Variants in EVA1C observed in about 807,000 individuals in gnomAD.
EVA1C encodes the protein protein eva-1 homolog C.
A neutral mutation model predicts 45.4 loss-of-function variants in EVA1C; 25 were observed. The ratio of observed to expected loss-of-function variants is 0.55; its 90% CI spans 0.40 to 0.77. The LOEUF is 0.77. Ranked by LOEUF, EVA1C falls within the 30% of genes least tolerant of loss-of-function variation. EVA1C has a pLI of 0.00. For missense variants in EVA1C, 479 were observed against 554.8 expected, an observed-to-expected ratio of 0.86 and a Z score of 1.37; for synonymous variants, 190 against 221.2, an observed-to-expected ratio of 0.86 and a Z score of 1.25.
At chr21:32,500,190 A>ATTTTTTT (rs538897939) in intron 5 of EVA1C, among the ~76,000 whole-genome samples, 22 of 91,096 alleles carry the variant, frequency 2.4e-4, no homozygotes, top group East Asian at 8.2e-4. Flanking sequence ...TAACCACCCT[A>ATTTTTTT]TTTTTTTTTT....
intron 7 of EVA1C, among the ~76,000 whole-genome samples, chr21:32,507,979 G>T (rs1407684310): frequency 6.6e-6 from 1 of 151,714 alleles, no homozygotes; most frequent in Non-Finnish European, 1.5e-5. Context: ...ATGTGTGCCT[G>T]CATGTGTGTG....
chr21:32,499,717 C>T (rs2037467968), intron 5 of EVA1C, among the ~76,000 whole-genome samples: 1 of 152,226 alleles, frequency 6.6e-6, no homozygotes, highest in Non-Finnish European at 1.5e-5. Context: ...TCTCTGAGAT[C>T]TCAGCTGGGC....
rs143129468 is a variant in EVA1C at position 32,478,608 on chromosome 21, C to T, written c.634+10760C>T. On this transcript the variant is annotated intron_variant, in intron 4 of 7. Coordinates refer to ENST00000300255, the MANE Select transcript of EVA1C (RefSeq NM_058187.5). ...GGTCCATCAGAATTTATGCCTCATC[C>T]GGCAGAAGAGAAACTGAAAGGAAGA... Among the ~76,000 whole-genome samples the T allele has an allele frequency of 6.0e-3, 909 of 152,286 alleles. 10 individuals are homozygous for T. The highest frequency in any genetic ancestry group is 0.021 in the African/African-American group (865 of 41,550).
chr21:32,496,703 T>G, intron 5 of EVA1C: 1 of 580,922 alleles, frequency 1.7e-6, no homozygotes, highest in Non-Finnish European at 3.1e-6. Flanking sequence ...TTCATCAGAG[T>G]GTTGAATAAG....
chr21:32,514,934 G>T lies in EVA1C; in HGVS notation c.1070G>T (p.Gly357Val). The T allele has an allele frequency of 6.2e-7, 1 of 1,614,162 alleles. No homozygotes were observed. Among genetic ancestry groups the T allele is most frequent in the Non-Finnish European group, 8.5e-7 (1 of 1,180,036 alleles). The change falls in exon 8 of 8, where the codon GGG becomes GTG. Residue 357 changes from glycine (G) to valine (V), a missense_variant. Gly to Val is a moderately radical substitution (Grantham distance 109). Transcript: ENST00000300255. ...AAGGACTTCCGCGACTTGCAGCTGG[G>T]GAGGGAGCAGCTGGTGCCAGGAAGT... is the stretch of plus-strand genomic sequence containing the variant. Reference protein sequence around the residue: ...CAKDFRDLQLGREQLVPGSDK... With the variant: ...CAKDFRDLQLVREQLVPGSDK...
chr21:32,480,677 T>C (rs960146326), intron 4 of EVA1C, among the ~76,000 whole-genome samples: 2 of 150,710 alleles, frequency 1.3e-5, no homozygotes, highest in Admixed American at 1.3e-4. Context: ...CAAAAAACTT[T>C]TTTTGCCGGA....
upstream of EVA1C, chr21:32,412,366 C>T (rs1475117041): frequency 6.6e-6 from 1 of 152,138 alleles, no homozygotes; most frequent in South Asian, 2.1e-4. Context: ...ACCGGCCGCG[C>T]TCCTTCTGCC....
chr21:32,495,314 GC>G, intron 5 of EVA1C, 144 bp downstream of exon 5: 1 of 723,490 alleles, frequency 1.4e-6, no homozygotes, highest in Non-Finnish European at 2.2e-6. Flanking sequence ...ATACCCGAGA[GC>G]CCTTTTTTTC....
intron 1 of EVA1C, among the ~76,000 whole-genome samples, chr21:32,430,238 GGAA>G (rs900036841): frequency 2.0e-4 from 30 of 152,262 alleles, no homozygotes; most frequent in African/African-American, 7.2e-4. Context: ...CTTACTGCCT[GGAA>G]GAAGACTGGT....
intron 1 of EVA1C, among the ~76,000 whole-genome samples, chr21:32,431,217 G>A (rs1372253362): frequency 6.6e-6 from 1 of 152,182 alleles, no homozygotes; most frequent in East Asian, 1.9e-4. Context: ...TTCCACAGCT[G>A]AGAAAACCCA....
chr21:32,498,895 C>T (rs910026236), intron 5 of EVA1C, among the ~76,000 whole-genome samples: 1 of 152,106 alleles, frequency 6.6e-6, no homozygotes, highest in Non-Finnish European at 1.5e-5. Flanking sequence ...CGACCTCATT[C>T]GGAACTAGTT....
At chr21:32,494,883 T>C (rs1276866337) in intron 4 of EVA1C, 144 bp from the exon 5 acceptor site, 6 of 873,410 alleles carry the variant, frequency 6.9e-6, no homozygotes, top group Non-Finnish European at 1.0e-5. Flanking sequence ...TCTTGGGTGC[T>C]TTAATGAGAC....
chr21:32,427,562 A>T (rs1023394251), intron 1 of EVA1C, among the ~76,000 whole-genome samples: 2 of 151,976 alleles, frequency 1.3e-5, no homozygotes, highest in African/African-American at 4.8e-5. Flanking sequence ...AAAATACAAA[A>T]ATTAGCTGGG....
At chr21:32,464,226 G>A (rs962919364) in intron 3 of EVA1C, among the ~76,000 whole-genome samples, 1 of 152,190 alleles carries the variant, frequency 6.6e-6, no homozygotes, top group Non-Finnish European at 1.5e-5. Flanking sequence ...AAGGGCCTTC[G>A]AGACATTTGC....
chr21:32,422,930 G>T (rs1248925733), intron 1 of EVA1C, among the ~76,000 whole-genome samples: 1 of 151,942 alleles, frequency 6.6e-6, no homozygotes, highest in Admixed American at 6.6e-5. Flanking sequence ...AATTAGCTGG[G>T]CATGGTGGTG....
intron 3 of EVA1C, 105 bp from the exon 4 acceptor site, chr21:32,467,591 T>C (rs2036219340): frequency 1.7e-6 from 2 of 1,168,298 alleles, no homozygotes; most frequent in Admixed American, 2.7e-5. Context: ...ACTGCCCCCT[T>C]CTCAGGGTGC....
chr21:32,466,406 G>A (rs947855905), intron 3 of EVA1C, among the ~76,000 whole-genome samples: 15 of 141,594 alleles, frequency 1.1e-4, no homozygotes, highest in Non-Finnish European at 3.0e-5. Context: ...GCGACAGAGC[G>A]AGATTCCGTC....
rs1196356658 is a variant in EVA1C at position 32,453,217 on chromosome 21, C to A, written c.161-95C>A. 1.8e-5 allele frequency: 15 copies of A among 829,130 alleles called. No homozygotes were observed. The East Asian group carries it at 4.0e-4, about 22-fold the overall frequency. The allele number at this position is 829,130 out of a possible 1,614,324, so 51.4% of individuals were successfully genotyped here. A position where few individuals can be genotyped will look rare whatever the true frequency, so the allele number is the denominator to read the frequency against. Reference sequence around the variant, plus strand: ...ATCCCACATGTTGTTGATTGAACAGCCCTTCCCCAGGGGAACCAACGTCCT... The same window carrying A: ...ATCCCACATGTTGTTGATTGAACAGACCTTCCCCAGGGGAACCAACGTCCT... On this transcript the variant is annotated intron_variant, in intron 1 of 7. Coordinates refer to ENST00000300255, the MANE Select transcript of EVA1C (RefSeq NM_058187.5).
rs879456513 is a variant in EVA1C at position 32,444,090 on chromosome 21, AC to A, written c.161-9221del. On this transcript the variant is annotated intron_variant, in intron 1 of 7. Coordinates refer to ENST00000300255, the MANE Select transcript of EVA1C (RefSeq NM_058187.5). ...CACACACACACACACACACACACAC[AC>A]AAACTCAAAGTACTTTCTCTATTCT... is the stretch of plus-strand genomic sequence containing the variant. Among the ~76,000 whole-genome samples the A allele has an allele frequency of 2.0e-3, 293 of 147,990 alleles. 1 individual carries two copies. The highest frequency in any genetic ancestry group is 6.6e-3 in the South Asian group (31 of 4,716).
Sources: allele counts gnomAD v4.1 joint callset (sites outside exome capture counted in the v4.1 genomes callset), GRCh38; gene constraint gnomAD v4.1.1; transcripts MANE v1.5; gene names NCBI Gene and HGNC (gene_info 2026-07-23, HGNC 2026-07-21).